The following ASIC2 variants were observed in gnomAD, a reference collection of about 807,000 sequenced individuals.
ASIC2 encodes the protein acid sensing ion channel subunit 2.
A neutral mutation model predicts 57.3 loss-of-function variants in ASIC2; 25 were observed. The observed-to-expected ratio is 0.44, with a 90% confidence interval of 0.32 to 0.61. ASIC2 has a LOEUF of 0.61. ASIC2 is among the 20% of genes least tolerant of loss of function. The pLI is 0.06. For missense variants in ASIC2, 641 were observed against 738.1 expected, an observed-to-expected ratio of 0.87 and a Z score of 1.52; for synonymous variants, 319 against 307.5, an observed-to-expected ratio of 1.04 and a Z score of -0.39.
At chr17:33,421,362 C>T (rs1277067969) in intron 1 of ASIC2, among the ~76,000 whole-genome samples, 1 of 152,242 alleles carries the variant, frequency 6.6e-6, no homozygotes, top group Non-Finnish European at 1.5e-5. Context: ...AAGTCCCATC[C>T]ATATCCTTGA....
rs191066857 is a variant in ASIC2 at position 34,082,740 on chromosome 17, T to C, written c.555+73238A>G. Among the ~76,000 whole-genome samples the C allele has an allele frequency of 2.0e-3, 312 of 152,328 alleles. 1 individual carries two copies. The highest frequency in any genetic ancestry group is 6.9e-3 in the African/African-American group (285 of 41,576). ...TTACTAAATCCTTTTGCACAACCTC[T>C]GAAAAATAGATCATTACTGCTACCA... is the stretch of plus-strand genomic sequence containing the variant. On this transcript the variant is annotated intron_variant, in intron 1 of 9. Coordinates refer to the ASIC2 transcript ENST00000359872.
chr17:33,370,581 G>A (rs1205421015), intron 1 of ASIC2, among the ~76,000 whole-genome samples: 1 of 152,204 alleles, frequency 6.6e-6, no homozygotes, highest in Non-Finnish European at 1.5e-5. Flanking sequence ...TGGAAGCAGG[G>A]TGGAGGGAGG....
chr17:33,493,605 T>A (rs1913830439), intron 1 of ASIC2, among the ~76,000 whole-genome samples: 1 of 152,210 alleles, frequency 6.6e-6, no homozygotes, highest in African/African-American at 2.4e-5. Context: ...TCTCCTCTTT[T>A]TTTACACTCC....
At chr17:33,836,439 C>A (rs969423819) in intron 1 of ASIC2, among the ~76,000 whole-genome samples, 4 of 152,146 alleles carry the variant, frequency 2.6e-5, no homozygotes, top group Non-Finnish European at 5.9e-5. Context: ...GCCTCAGCCT[C>A]CCAAAGTGCT....
chr17:34,127,336 T>C (rs1467725039), intron 1 of ASIC2, among the ~76,000 whole-genome samples: 1 of 152,190 alleles, frequency 6.6e-6, no homozygotes, highest in Non-Finnish European at 1.5e-5. Flanking sequence ...TGATCTCTCC[T>C]TAGCTTCATT....
intron 1 of ASIC2, among the ~76,000 whole-genome samples, chr17:34,086,028 C>T (rs1044442466): frequency 1.1e-4 from 17 of 151,474 alleles, no homozygotes; most frequent in African/African-American, 4.1e-4. Context: ...TTTTTTGTGT[C>T]TCTGTTTCCT....
intron 1 of ASIC2, among the ~76,000 whole-genome samples, chr17:33,385,683 T>C (rs1356383311): frequency 1.3e-5 from 2 of 152,200 alleles, no homozygotes; most frequent in Non-Finnish European, 2.9e-5. Flanking sequence ...GTTCTGCAAC[T>C]CTGCAGAGTT....
intron 1 of ASIC2, among the ~76,000 whole-genome samples, chr17:33,617,524 A>T (rs77641393): frequency 2.0e-5 from 3 of 151,856 alleles, no homozygotes; most frequent in Admixed American, 6.5e-5. Flanking sequence ...AGGAGGGGAG[A>T]ATAAAAAAAC....
intron 1 of ASIC2, among the ~76,000 whole-genome samples, chr17:33,704,065 A>G (rs1908790056): frequency 1.3e-5 from 2 of 152,170 alleles, no homozygotes; most frequent in African/African-American, 4.8e-5. Flanking sequence ...TCCTTAAATC[A>G]TAGAGAAACT....
chr17:34,040,577 A>G (rs1387388343), intron 1 of ASIC2, among the ~76,000 whole-genome samples: 1 of 152,200 alleles, frequency 6.6e-6, no homozygotes, highest in South Asian at 2.1e-4. Flanking sequence ...TAGACAGGGT[A>G]GGGTGACTTG....
chr17:33,046,961 G>T (rs993412540), intron 3 of ASIC2, among the ~76,000 whole-genome samples: 3 of 152,256 alleles, frequency 2.0e-5, no homozygotes, highest in Non-Finnish European at 2.9e-5. Context: ...CGGAGCCCAG[G>T]CTCAAGAGCT....
chr17:33,492,397 C>T (rs115653310), intron 1 of ASIC2, among the ~76,000 whole-genome samples: 5 of 152,294 alleles, frequency 3.3e-5, no homozygotes, highest in Admixed American at 1.3e-4. Context: ...ATGAGCTCCA[C>T]GTCATGGAGA....
intron 1 of ASIC2, among the ~76,000 whole-genome samples, chr17:33,254,775 T>C (rs1331390584): frequency 6.6e-6 from 1 of 152,148 alleles, no homozygotes; most frequent in Non-Finnish European, 1.5e-5. Flanking sequence ...TACATTGTAA[T>C]AGTAAGTCAA....
chr17:33,691,254 G>A (rs1009911699), intron 1 of ASIC2, among the ~76,000 whole-genome samples: 1 of 152,078 alleles, frequency 6.6e-6, no homozygotes, highest in African/African-American at 2.4e-5. Context: ...CAAAATTGCT[G>A]GTTAAAACAG....
chr17:33,893,667 C>G (rs1915019347), intron 1 of ASIC2, among the ~76,000 whole-genome samples: 1 of 152,032 alleles, frequency 6.6e-6, no homozygotes, highest in South Asian at 2.1e-4. Flanking sequence ...TCTCAAAGGT[C>G]CATTCTGGAT....
In ASIC2 at chr17:33,032,440, G is replaced by GTTTTTTTTTTTTTTTTTTTTT. The variant is rs60183644; in HGVS notation, c.988-4069_988-4049dup. ...TCTGTTATAAGCACTATAATACACTGTTTTTTTTTTTTTTTTTTTTTTTTT... is the reference window on the plus strand; with the variant it reads ...TCTGTTATAAGCACTATAATACACTGTTTTTTTTTTTTTTTTTTTTTTTTTTTTTTTTTTTTTTTTTTTTTT... On this transcript the variant is annotated intron_variant, in intron 3 of 9. Transcript: ENST00000225823. Among the ~76,000 whole-genome samples the GTTTTTTTTTTTTTTTTTTTTT allele has an allele frequency of 1.9e-4, 18 of 94,118 alleles. 3 individuals carry two copies. The highest frequency in any genetic ancestry group is 7.0e-4 in the African/African-American group (15 of 21,324). 61.7% of individuals were successfully genotyped at this position (94,118 alleles called of 152,430 possible). A position where few individuals can be genotyped will look rare whatever the true frequency, so the allele number is the denominator to read the frequency against.
chr17:33,265,511 G>A (rs758753295), intron 1 of ASIC2, among the ~76,000 whole-genome samples: 1 of 152,164 alleles, frequency 6.6e-6, no homozygotes, highest in Non-Finnish European at 1.5e-5. Context: ...CCTGTTGGGG[G>A]AGTGGTGGGA....
Position 33,013,696 on chromosome 17 carries a change from T to G in ASIC2, c.*269A>C. 1 of 488,526 alleles carries G rather than the reference T, an allele frequency of 2.0e-6. No homozygotes were observed. Among genetic ancestry groups the G allele is most frequent in the Non-Finnish European group, 3.7e-6 (1 of 269,564 alleles). The allele number at this position is 488,526 out of a possible 1,614,324, so 30.3% of individuals were successfully genotyped here. On this transcript the variant is annotated 3_prime_UTR_variant, in exon 10 of 10. Coordinates refer to ENST00000225823, the MANE Select transcript of ASIC2 (RefSeq NM_183377.2). ...TCTGAGCATGCAGGTGCTTTATACA[T>G]CTGGCAGTGAGATGTGATGGCAGGT...
At position 33,486,929 on chromosome 17, in the gene ASIC2, C is replaced by T. The variant is rs180762563; in HGVS notation, c.556-374862G>A. 2.8e-3 allele frequency among the ~76,000 whole-genome samples: 420 copies of T among 152,256 alleles called. 1 individual carries two copies. The highest frequency in any genetic ancestry group is 9.7e-3 in the African/African-American group (404 of 41,524). Reference sequence around the variant, plus strand: ...GAGGGCAGGTGTCAGGGTGGAGATGCGCAGCACCCAACCACAGCCCAGTCC... The same window carrying T: ...GAGGGCAGGTGTCAGGGTGGAGATGTGCAGCACCCAACCACAGCCCAGTCC... On this transcript the variant is annotated intron_variant, in intron 1 of 9. Coordinates refer to the ASIC2 transcript ENST00000359872.
Sources: allele counts gnomAD v4.1 joint callset (sites outside exome capture counted in the v4.1 genomes callset), GRCh38; gene constraint gnomAD v4.1.1; transcripts MANE v1.5; gene names NCBI Gene and HGNC (gene_info 2026-07-23, HGNC 2026-07-21).